The following LHFPL6 variants were observed in gnomAD, a reference collection of about 807,000 sequenced individuals.
LHFPL6 encodes LHFPL tetraspan subfamily member 6.
Under a neutral mutation model 20.6 loss-of-function variants are expected in LHFPL6, and 9 were observed. The ratio of observed to expected loss-of-function variants is 0.44; its 90% CI spans 0.26 to 0.76. The LOEUF (loss-of-function observed/expected upper bound fraction) is 0.76, where lower values mean the gene tolerates loss of function less well. Ranked by LOEUF, LHFPL6 falls within the 30% of genes least tolerant of loss-of-function variation. LHFPL6 has a pLI of 0.20. For synonymous variants in LHFPL6, 105 were observed against 98.7 expected, an observed-to-expected ratio of 1.06 and a Z score of -0.38; for missense variants, 218 against 253.5, an observed-to-expected ratio of 0.86 and a Z score of 0.95.
intron 2 of LHFPL6, among the ~76,000 whole-genome samples, chr13:39,524,511 G>C (rs1870225378): frequency 6.6e-6 from 1 of 152,226 alleles, no homozygotes; most frequent in Non-Finnish European, 1.5e-5. Flanking sequence ...CTCACTGAAA[G>C]AGAAGGGAAC....
intron 2 of LHFPL6, among the ~76,000 whole-genome samples, chr13:39,519,184 C>T (rs1218268547): frequency 6.6e-6 from 1 of 151,754 alleles, no homozygotes; most frequent in Admixed American, 6.6e-5. Flanking sequence ...TGCAATGGGC[C>T]GAGACCAGGC....
chr13:39,523,606 A>C (rs996570498), intron 2 of LHFPL6, among the ~76,000 whole-genome samples: 1 of 151,582 alleles, frequency 6.6e-6, no homozygotes, highest in Admixed American at 6.6e-5. Flanking sequence ...ATGAAGACCC[A>C]GGTCATAAGA....
intron 2 of LHFPL6, among the ~76,000 whole-genome samples, chr13:39,426,369 T>A (rs1415889480): frequency 6.6e-6 from 1 of 151,992 alleles, no homozygotes; most frequent in African/African-American, 2.4e-5. Context: ...TACAGGCATG[T>A]GCCACCACGC....
Position 39,515,034 on chromosome 13 carries a change from C to T in LHFPL6, c.385+85798G>A, listed in dbSNP as rs138092899. Among the ~76,000 whole-genome samples the T allele has an allele frequency of 3.5e-3, 534 of 152,338 alleles. 2 individuals are homozygous for T. The highest frequency in any genetic ancestry group is 0.012 in the African/African-American group (496 of 41,570). ...CCTACACATTCCTTTGAGGACCATC[C>T]GAGCCACTGCTATTGAACTGCGTTC... is the stretch of plus-strand genomic sequence containing the variant. On this transcript the variant is annotated intron_variant, in intron 2 of 3. Transcript: ENST00000379589.
chr13:39,463,072 C>G (rs905885903), intron 2 of LHFPL6, among the ~76,000 whole-genome samples: 1 of 152,192 alleles, frequency 6.6e-6, no homozygotes, highest in Non-Finnish European at 1.5e-5. Flanking sequence ...ACCCATAAGG[C>G]GATCTCTGGC....
At chr13:39,505,000 T>A (rs1361332382) in intron 2 of LHFPL6, among the ~76,000 whole-genome samples, 2 of 152,254 alleles carry the variant, frequency 1.3e-5, no homozygotes, top group African/African-American at 4.8e-5. Flanking sequence ...GTTTTTTCCA[T>A]CAACTAGGAA....
intron 2 of LHFPL6, among the ~76,000 whole-genome samples, chr13:39,592,515 G>A (rs1396572465): frequency 1.3e-5 from 2 of 152,158 alleles, no homozygotes; most frequent in African/African-American, 4.8e-5. Flanking sequence ...AGGACCAGAT[G>A]GATGCACAGC....
At chr13:39,434,191 T>A (rs2138407848) in intron 2 of LHFPL6, among the ~76,000 whole-genome samples, 1 of 152,356 alleles carries the variant, frequency 6.6e-6, no homozygotes, top group South Asian at 2.1e-4. Flanking sequence ...AGCTTCTAGT[T>A]AAGGAAGACC....
At chr13:39,358,775 C>G (rs1045209306) in intron 3 of LHFPL6, among the ~76,000 whole-genome samples, 4 of 152,108 alleles carry the variant, frequency 2.6e-5, no homozygotes, top group African/African-American at 9.7e-5. Context: ...AAGCGGCCAA[C>G]AAACATGTGA....
chr13:39,364,634 A>C (rs1593286310), intron 3 of LHFPL6, among the ~76,000 whole-genome samples: 1 of 152,146 alleles, frequency 6.6e-6, no homozygotes. Context: ...GGCCCGGTGG[A>C]TAGTTTTCTT....
At chr13:39,525,296 C>T (rs1296688764) in intron 2 of LHFPL6, among the ~76,000 whole-genome samples, 34 of 152,106 alleles carry the variant, frequency 2.2e-4, no homozygotes, top group Admixed American at 2.2e-3. Flanking sequence ...AGACTATTGT[C>T]TTTTTTAACA....
intron 2 of LHFPL6, among the ~76,000 whole-genome samples, chr13:39,427,956 C>T (rs1237134708): frequency 1.3e-5 from 2 of 152,216 alleles, no homozygotes; most frequent in South Asian, 4.1e-4. Context: ...CCTACTCCAG[C>T]CATGTGAAGT....
intron 3 of LHFPL6, among the ~76,000 whole-genome samples, chr13:39,355,258 C>A (rs1056476711): frequency 1.3e-5 from 2 of 151,862 alleles, no homozygotes; most frequent in Admixed American, 1.3e-4. Flanking sequence ...TTAAAGGAAA[C>A]AAATTCCAAC....
intron 2 of LHFPL6, among the ~76,000 whole-genome samples, chr13:39,505,691 C>G (rs982381147): frequency 6.6e-6 from 1 of 152,086 alleles, no homozygotes; most frequent in Non-Finnish European, 1.5e-5. Context: ...ATGTGTCAAA[C>G]AAGGTTTGGG....
intron 3 of LHFPL6, among the ~76,000 whole-genome samples, chr13:39,369,361 G>A (rs1870094366): frequency 6.6e-6 from 1 of 152,114 alleles, no homozygotes; most frequent in African/African-American, 2.4e-5. Flanking sequence ...AAAAAAGAAT[G>A]TAGAGCAATT....
intron 2 of LHFPL6, among the ~76,000 whole-genome samples, chr13:39,413,398 G>C (rs1351871993): frequency 7.8e-6 from 1 of 127,818 alleles, no homozygotes; most frequent in African/African-American, 2.9e-5. Flanking sequence ...CGTAAATTAT[G>C]TTCTTATTTA....
At chr13:39,466,394 GGCAATGCAAAGACT>G (rs1225044089) in intron 2 of LHFPL6, among the ~76,000 whole-genome samples, 1 of 152,122 alleles carries the variant, frequency 6.6e-6, no homozygotes, top group Non-Finnish European at 1.5e-5. Context: ...TTATGCCCTG[GGCAATGCAAAGACT>G]GCTGCATGTT....
chr13:39,477,742 T>C (rs1483660851), intron 2 of LHFPL6, among the ~76,000 whole-genome samples: 1 of 152,204 alleles, frequency 6.6e-6, no homozygotes, highest in Non-Finnish European at 1.5e-5. Context: ...CCTAGTCAAG[T>C]GAGAAGAGAA....
chr13:39,424,179 T>G (rs1022340398), intron 2 of LHFPL6, among the ~76,000 whole-genome samples: 2 of 152,198 alleles, frequency 1.3e-5, no homozygotes, highest in African/African-American at 4.8e-5. Context: ...AATGAAAGTG[T>G]AACCCAAATA....
Sources: gnomAD v4.1 joint callset for allele counts (sites outside exome capture counted in the v4.1 genomes callset) on GRCh38, gnomAD v4.1.1 for gene constraint, MANE v1.5 for transcripts, NCBI Gene and HGNC (gene_info 2026-07-23, HGNC 2026-07-21) for gene names.